Variants in DLGAP2 observed in about 807,000 individuals in gnomAD.
The protein encoded by DLGAP2 is disks large-associated protein 2.
A neutral mutation model predicts 100.3 loss-of-function variants in DLGAP2; 26 were observed. The ratio of observed to expected loss-of-function variants is 0.26; its 90% CI spans 0.19 to 0.36. The LOEUF (loss-of-function observed/expected upper bound fraction) is 0.36. Ranked by LOEUF, DLGAP2 falls within the 10% of genes least tolerant of loss-of-function variation. The pLI, the probability that DLGAP2 is intolerant of heterozygous loss-of-function variation, is 1.00. For missense variants in DLGAP2, 1,858 were observed against 1,453.2 expected (o/e 1.28, Z -4.53); for synonymous variants, 886 against 630.1 (o/e 1.41, Z -6.08).
rs180696367 is a variant in DLGAP2 at position 1,594,517 on chromosome 8, C to T, written c.1442+28623C>T. Reference sequence around the variant, plus strand: ...AAGAAAGCATCGGTGAACTCAAAGACAACATCGTTACAAATAATTCAATCA... The same window carrying T: ...AAGAAAGCATCGGTGAACTCAAAGATAACATCGTTACAAATAATTCAATCA... On this transcript the variant is annotated intron_variant, in intron 6 of 14. Coordinates refer to ENST00000637795, the MANE Select transcript of DLGAP2 (RefSeq NM_001346810.2). 4.3e-4 allele frequency among the ~76,000 whole-genome samples: 66 copies of T among 152,204 alleles called. No homozygotes were observed. The East Asian group carries it at 5.4e-3, about 12-fold the overall frequency.
At chr8:1,351,634 A>C (rs1299017023) in intron 3 of DLGAP2, among the ~76,000 whole-genome samples, 1 of 60,548 alleles carries the variant, frequency 1.7e-5, no homozygotes. Flanking sequence ...GCGGGTCCTG[A>C]GTGTGCGTGG....
At chr8:1,333,733 G>A (rs1801210135) in intron 3 of DLGAP2, among the ~76,000 whole-genome samples, 1 of 152,172 alleles carries the variant, frequency 6.6e-6, no homozygotes, top group African/African-American at 2.4e-5. Context: ...AGTTTCATAT[G>A]GTTCTCACCT....
chr8:1,230,788 C>T (rs1798519604), intron 2 of DLGAP2, among the ~76,000 whole-genome samples: 1 of 152,088 alleles, frequency 6.6e-6, no homozygotes, highest in Non-Finnish European at 1.5e-5. Flanking sequence ...ATGTTATTAG[C>T]ATAACTGGCT....
intron 2 of DLGAP2, among the ~76,000 whole-genome samples, chr8:1,046,092 A>C (rs1473728432): frequency 6.6e-6 from 1 of 152,334 alleles, no homozygotes; most frequent in Non-Finnish European, 1.5e-5. Context: ...CAGCAATATA[A>C]AAGCTGCCCA....
At chr8:1,507,121 C>T (rs1230058322) in intron 4 of DLGAP2, among the ~76,000 whole-genome samples, 1 of 152,252 alleles carries the variant, frequency 6.6e-6, no homozygotes. Context: ...GGATCCTGCG[C>T]TGGGGCCACG....
At chr8:1,039,661 G>T (rs75575301) in intron 2 of DLGAP2, among the ~76,000 whole-genome samples, 7 of 15,790 alleles carry the variant, frequency 4.4e-4, no homozygotes, top group East Asian at 1.9e-3. Context: ...GCTCGGTGTG[G>T]GTGGTCAGCT....
chr8:932,906 A>G (rs1174733669), intron 2 of DLGAP2, among the ~76,000 whole-genome samples: 1 of 152,240 alleles, frequency 6.6e-6, no homozygotes, highest in Admixed American at 6.5e-5. Flanking sequence ...GATTGAAAAC[A>G]TAACTTCCCC....
At chr8:1,509,688 C>G (rs1563192097) in intron 4 of DLGAP2, among the ~76,000 whole-genome samples, 1 of 152,086 alleles carries the variant, frequency 6.6e-6, no homozygotes, top group African/African-American at 2.4e-5. Flanking sequence ...TCTTCTCATT[C>G]TTTGTTTGTT....
chr8:1,352,608 A>G lies in DLGAP2; in HGVS notation c.106+93725A>G, dbSNP rs983536194. Among the ~76,000 whole-genome samples the G allele has an allele frequency of 2.0e-5, 3 of 152,144 alleles. No homozygotes were observed. The East Asian group carries it at 5.8e-4, about 29-fold the overall frequency. On this transcript the variant is annotated intron_variant, in intron 3 of 14. Coordinates refer to ENST00000637795, the MANE Select transcript of DLGAP2 (RefSeq NM_001346810.2). ...AATTAGTAAGTATGTCAATTCCTGG[A>G]AGTTGGCCCATTTCTCTGAATAAGC...
intron 8 of DLGAP2, among the ~76,000 whole-genome samples, chr8:1,651,560 G>T (rs1349812327): frequency 6.6e-6 from 1 of 152,142 alleles, no homozygotes; most frequent in Non-Finnish European, 1.5e-5. Flanking sequence ...GGCGGCTGGG[G>T]CGTCCATCCC....
At chr8:1,421,318 A>T (rs1266020723) in intron 3 of DLGAP2, among the ~76,000 whole-genome samples, 1 of 152,152 alleles carries the variant, frequency 6.6e-6, no homozygotes, top group Non-Finnish European at 1.5e-5. Context: ...AAGCTTGTGT[A>T]TAGGCCTTGC....
At chr8:1,376,490 C>A (rs529819644) in intron 3 of DLGAP2, among the ~76,000 whole-genome samples, 3 of 152,398 alleles carry the variant, frequency 2.0e-5, no homozygotes, top group Non-Finnish European at 2.9e-5. Context: ...GAACTCAGAG[C>A]TCCGACGGAG....
chr8:1,173,302 C>T (rs1797172276), intron 2 of DLGAP2, among the ~76,000 whole-genome samples: 2 of 152,184 alleles, frequency 1.3e-5, no homozygotes, highest in African/African-American at 2.4e-5. Context: ...CTGGGGGGTG[C>T]CTCCAGTTAG....
chr8:814,117 G>T (rs1168980395), intron 1 of DLGAP2, among the ~76,000 whole-genome samples: 1 of 152,164 alleles, frequency 6.6e-6, no homozygotes, highest in Non-Finnish European at 1.5e-5. Flanking sequence ...TAAAATAAGA[G>T]CAGGATGCCA....
At chr8:1,498,924 G>A (rs1012646244) in intron 3 of DLGAP2, among the ~76,000 whole-genome samples, 5 of 152,138 alleles carry the variant, frequency 3.3e-5, no homozygotes, top group African/African-American at 9.7e-5. Flanking sequence ...CACCGCACTC[G>A]GAAACCTTCC....
chr8:1,503,390 G>C (rs1397323129), intron 4 of DLGAP2, among the ~76,000 whole-genome samples: 2 of 151,784 alleles, frequency 1.3e-5, no homozygotes, highest in Non-Finnish European at 2.9e-5. Context: ...TTGTTGTTTT[G>C]TGACTGCTCA....
intron 3 of DLGAP2, among the ~76,000 whole-genome samples, chr8:1,345,106 C>G (rs1210329495): frequency 4.4e-5 from 6 of 135,394 alleles, no homozygotes; most frequent in Non-Finnish European, 8.2e-5. Context: ...ATTAGCTTAG[C>G]TGCTTATATA....
At chr8:1,257,900 C>G (rs1451990244) in intron 2 of DLGAP2, among the ~76,000 whole-genome samples, 1 of 152,254 alleles carries the variant, frequency 6.6e-6, no homozygotes, top group African/African-American at 2.4e-5. Flanking sequence ...CACCTGCCCT[C>G]ATGTTCTCAG....
At chr8:873,166 A>T (rs1476008344) in intron 1 of DLGAP2, among the ~76,000 whole-genome samples, 1 of 152,216 alleles carries the variant, frequency 6.6e-6, no homozygotes, top group Non-Finnish European at 1.5e-5. Context: ...ATTAAAACTG[A>T]TTCTCTATAT....
Sources: gnomAD v4.1 joint callset for allele counts (sites outside exome capture counted in the v4.1 genomes callset) on GRCh38, gnomAD v4.1.1 for gene constraint, MANE v1.5 for transcripts, NCBI Gene and HGNC (gene_info 2026-07-23, HGNC 2026-07-21) for gene names.